The following CHRNB4 variants were observed in gnomAD, a reference collection of about 807,000 sequenced individuals.
The protein encoded by CHRNB4 is neuronal acetylcholine receptor subunit beta-4.
In CHRNB4, 23 loss-of-function variants were observed where a neutral mutation model predicts 40.4. That is an observed-to-expected ratio of 0.57 (90% CI 0.41 to 0.81). The LOEUF (loss-of-function observed/expected upper bound fraction) is 0.81. Ranked by LOEUF, CHRNB4 falls within the 30% of genes least tolerant of loss-of-function variation. The pLI, the probability that CHRNB4 is intolerant of heterozygous loss-of-function variation, is 0.00. For missense variants in CHRNB4, 568 were observed against 670.6 expected, an observed-to-expected ratio of 0.85 and a Z score of 1.69; for synonymous variants, 285 against 274.4, an observed-to-expected ratio of 1.04 and a Z score of -0.38.
chr15:78,658,028 CTTT>C (rs71448810), intron 2 of CHRNB4, among the ~76,000 whole-genome samples: 72 of 90,546 alleles, frequency 8.0e-4, no homozygotes, highest in Admixed American at 5.9e-3. Flanking sequence ...TCTTGTTTCT[CTTT>C]TTTTTTTTTT....
intron 5 of CHRNB4, among the ~76,000 whole-genome samples, chr15:78,654,011 T>C (rs1181796906): frequency 2.0e-5 from 3 of 152,176 alleles, no homozygotes; most frequent in African/African-American, 7.2e-5. Context: ...CTTCAAGGAC[T>C]CCAGACCCTC....
chr15:78,634,095 CAAAT>C (rs998100527), intron 2 of CHRNB4, among the ~76,000 whole-genome samples: 22 of 152,334 alleles, frequency 1.4e-4, no homozygotes, highest in African/African-American at 5.3e-4. Flanking sequence ...CCTCCCTCCT[CAAAT>C]AAATAAACAA....
Position 78,628,977 on chromosome 15 carries a change from T to A in CHRNB4, c.1328A>T (p.Glu443Val). 1.2e-6 allele frequency: 2 copies of A among 1,612,054 alleles called. No homozygotes were observed. The highest frequency in any genetic ancestry group is 1.1e-5 in the South Asian group (1 of 91,006). The change falls in exon 5 of 6, where the codon GAA becomes GTA. Residue 443 changes from glutamate (E) to valine (V), a missense_variant. Physicochemically the swap from Glu to Val is moderately radical, Grantham distance 121. Around this residue, in one of 4 missense-constraint regions of CHRNB4, gnomAD observed 242 missense variants for 274.9 expected, o/e 0.88. Coordinates refer to ENST00000261751, the MANE Select transcript of CHRNB4 (RefSeq NM_000750.5). ...TGGTTAGCAACTTACACTCTGGTCTTCATCGTCATTCTTCATGTGCTGGGC... is the reference window on the plus strand; with the variant it reads ...TGGTTAGCAACTTACACTCTGGTCTACATCGTCATTCTTCATGTGCTGGGC... ...FIAQHMKNDD[E>V]DQSVVEDWKY... is the part of the protein sequence containing the mutation.
Position 78,629,950 on chromosome 15 carries a change from G to GC in CHRNB4, c.360-6dup, listed in dbSNP as rs1459701178. On this transcript the variant is annotated splice_polypyrimidine_tract_variant and splice_region_variant and intron_variant, in intron 4 of 5. Coordinates refer to ENST00000261751, the MANE Select transcript of CHRNB4 (RefSeq NM_000750.5). The surrounding 1 kb of genome is among the most constrained non-coding windows in gnomAD (Gnocchi z 6.8). ...ACCTCATAGGTCCCGTCGGCGCTGG[G>GC]CAGGGTCAGGGCATGGAGAACATCG... The GC allele has an allele frequency of 3.2e-6, 5 of 1,562,778 alleles. No individual in the cohort carries two copies. The African/African-American group carries it at 6.8e-5, about 21-fold the overall frequency.
At chr15:78,659,991 G>C (rs2054239414) in intron 1 of CHRNB4, among the ~76,000 whole-genome samples, 1 of 152,052 alleles carries the variant, frequency 6.6e-6, no homozygotes, top group Non-Finnish European at 1.5e-5. Flanking sequence ...TGGATCACTT[G>C]AGGCCAGGAG....
chr15:78,661,353 T>C (rs949319571), upstream of CHRNB4: 8 of 555,462 alleles, frequency 1.4e-5, no homozygotes, highest in Non-Finnish European at 3.5e-6. Flanking sequence ...ACATCATCCA[T>C]TATGGTCCCC....
chr15:78,646,251 C>T (rs1040072328), intron 7 of CHRNB4, among the ~76,000 whole-genome samples: 2 of 151,904 alleles, frequency 1.3e-5, no homozygotes, highest in South Asian at 4.2e-4. Flanking sequence ...ACAGAAGTTG[C>T]CTTGTAGATC....
At chr15:78,625,467 C>T (rs1446294940) in intron 5 of CHRNB4, among the ~76,000 whole-genome samples, 176 bp from the exon 6 acceptor site, 1 of 152,242 alleles carries the variant, frequency 6.6e-6, no homozygotes, top group Non-Finnish European at 1.5e-5. Context: ...CTCTGAGCCT[C>T]TCTGGCTGTT....
rs767874808 is a variant in CHRNB4, at chr15:78,625,251, C to T, written c.1379G>A (p.Arg460Gln). The change falls in exon 6 of 6, where the codon CGG becomes CAG. Residue 460 changes from arginine to glutamine, a missense_variant. Arg to Gln is a conservative substitution (Grantham distance 43). This residue lies in a region of CHRNB4 where 242 missense variants were observed against 274.9 expected (regional missense o/e 0.88). Transcript: ENST00000261751. ...DWKYVAMVVD[R>Q]LFLWVFMFVC... Reference sequence around the variant, plus strand: ...AAACATGAACACCCACAGGAACAGCCGGTCCACCACCATAGCCACGTACTT... The same window carrying T: ...AAACATGAACACCCACAGGAACAGCTGGTCCACCACCATAGCCACGTACTT... 60 of 1,563,164 alleles carry T rather than the reference C, an allele frequency of 3.8e-5. No individual in the cohort carries two copies. In the East Asian group the frequency reaches 9.0e-4, roughly 23 times the overall value.
At chr15:78,660,841 G>A (rs940965214), upstream of CHRNB4, 1 of 324,236 alleles carries the variant, frequency 3.1e-6, no homozygotes, top group Non-Finnish European at 5.9e-6. Context: ...AATTATCTCA[G>A]CGGTTGCTGT....
In CHRNB4 at chr15:78,631,292, T is replaced by G; in HGVS notation, c.245A>C (p.Lys82Thr). The change falls in exon 3 of 6, where the codon AAA becomes ACA. Residue 82 changes from lysine to threonine, a missense_variant. Physicochemically the swap from Lys to Thr is moderately conservative, Grantham distance 78. Coordinates refer to ENST00000261751, the MANE Select transcript of CHRNB4 (RefSeq NM_000750.5). Reference protein sequence around the residue: ...EQIMTTNVWLKQEWTDYRLTW... With the variant: ...EQIMTTNVWLTQEWTDYRLTW... The stretch of plus-strand genomic sequence containing the variant: ...AGGGCCCTTCAGGGCACTTACCTGT[T>G]TCAGCCAGACATTGGTGGTCATGAT... 1 of 1,614,134 alleles carries G rather than the reference T, an allele frequency of 6.2e-7. No homozygotes were observed.
In CHRNB4 at chr15:78,629,699, G is replaced by T. The variant is rs757783207; in HGVS notation, c.606C>A (p.Asp202Glu). The change falls in exon 5 of 6, where the codon GAC (aspartate) becomes GAA (glutamate). Residue 202 changes from aspartate (D) to glutamate (E), a missense_variant. By Grantham distance (45) the Asp-to-Glu change is conservative. Transcript: ENST00000261751. The surrounding 1 kb of genome is among the most constrained non-coding windows in gnomAD (Gnocchi z 6.8). The part of the protein sequence containing the change: ...MDDFTPSGEW[D>E]IVALPGRRTV... ...TCCTTCTCCCTGGGAGGGCCACTATGTCCCACTCACCACTGGGAGTAAAGT... is the reference window on the plus strand; with the variant it reads ...TCCTTCTCCCTGGGAGGGCCACTATTTCCCACTCACCACTGGGAGTAAAGT... The T allele has an allele frequency of 1.2e-6, 2 of 1,614,048 alleles. No homozygotes were observed. Among genetic ancestry groups the T allele is most frequent in the African/African-American group, 2.7e-5 (2 of 74,912 alleles).
intron 7 of CHRNB4, chr15:78,649,279 T>G (rs1043654082): frequency 3.0e-6 from 1 of 334,392 alleles, no homozygotes; most frequent in Admixed American, 4.4e-5. Flanking sequence ...GACACTCATT[T>G]ATATGATAAT....
chr15:78,640,331 T>C (rs2054042789), intron 1 of CHRNB4, among the ~76,000 whole-genome samples: 1 of 152,184 alleles, frequency 6.6e-6, no homozygotes, highest in Non-Finnish European at 1.5e-5. Context: ...AGTCCTCACA[T>C]TTGCATTCTA....
In CHRNB4 at chr15:78,646,942, A is replaced by G. The variant is rs530616420; in HGVS notation, c.46+2437T>C. On this transcript the variant is annotated intron_variant and NMD_transcript_variant, in intron 7 of 11. Transcript: ENST00000559849. Reference sequence around the variant, plus strand: ...GATTGCTTGAGCCCAGGAGTTCCAGACCAGCCTGGGTGACATAACAAGACC... The same window carrying G: ...GATTGCTTGAGCCCAGGAGTTCCAGGCCAGCCTGGGTGACATAACAAGACC... Among the ~76,000 whole-genome samples, 34 of 152,164 alleles carry G rather than the reference A, an allele frequency of 2.2e-4. No homozygotes were observed. The Middle Eastern group carries it at 0.01, about 46-fold the overall frequency.
chr15:78,641,140 C>T lies in CHRNB4; in HGVS notation c.-7G>A. 2 of 1,552,442 alleles carry T rather than the reference C, an allele frequency of 1.3e-6. No homozygotes were observed. The highest frequency in any genetic ancestry group is 2.0e-5 in the Admixed American group (1 of 51,064). ...GGGAAGGCGCGCGCCTCATGGCCGG[C>T]GGGGCCGGGTGGCAGCCGCCGCGAG... On this transcript the variant is annotated 5_prime_UTR_variant, in exon 1 of 6. Transcript: ENST00000261751.
At chr15:78,645,795 T>C (rs953332929), upstream of CHRNB4, among the ~76,000 whole-genome samples, 1 of 152,070 alleles carries the variant, frequency 6.6e-6, no homozygotes, top group Non-Finnish European at 1.5e-5. Flanking sequence ...CACGGTGGCT[T>C]ACCCCTGTAA....
At chr15:78,635,397 C>T (rs2053926151) in intron 2 of CHRNB4, 42 bp downstream of exon 2, 2 of 1,603,302 alleles carry the variant, frequency 1.2e-6, no homozygotes, top group Middle Eastern at 1.7e-4. Context: ...CATGAGCGGC[C>T]TCTCCACCTG....
intron 7 of CHRNB4, among the ~76,000 whole-genome samples, chr15:78,647,861 CAAAAAAAA>C (rs146991423): frequency 0.032 from 1,255 of 39,208 alleles, 29 homozygotes; most frequent in East Asian, 0.098. Context: ...GACTCCATCT[CAAAAAAAA>C]AAAAAAAAAA....
Sources: gnomAD v4.1 joint callset for allele counts (sites outside exome capture counted in the v4.1 genomes callset) on GRCh38, gnomAD v4.1.1 for gene constraint, gnomAD v4.1.1 regional missense constraint, Gnocchi (gnomAD v3.1) non-coding constraint, MANE v1.5 for transcripts, NCBI Gene and HGNC (gene_info 2026-07-23, HGNC 2026-07-21) for gene names.